SLMAP: variants seen among roughly 807,000 people sequenced by gnomAD.
SLMAP encodes the protein sarcolemmal membrane-associated protein.
In SLMAP, 44 loss-of-function variants were observed where a neutral mutation model predicts 128.8. The observed-to-expected ratio is 0.34, with a 90% CI of 0.27 to 0.44. The LOEUF is 0.44. SLMAP is among the 20% of genes least tolerant of loss of function. The probability of loss-of-function intolerance (pLI) is 1.00; values close to 1 mark genes in which losing one functional copy is unlikely to be tolerated. For synonymous variants in SLMAP, 327 were observed against 348.8 expected, an observed-to-expected ratio of 0.94 and a Z score of 0.70; for missense variants, 787 against 985.3, an observed-to-expected ratio of 0.80 and a Z score of 2.69.
chr3:57,773,300 C>A (rs2081239254), intron 2 of SLMAP, among the ~76,000 whole-genome samples: 1 of 152,192 alleles, frequency 6.6e-6, no homozygotes, highest in Non-Finnish European at 1.5e-5. Context: ...AGTAAGTCCT[C>A]AACATCAGTG....
intron 2 of SLMAP, among the ~76,000 whole-genome samples, chr3:57,787,282 T>C (rs765449980): frequency 2.6e-5 from 4 of 152,076 alleles, no homozygotes; most frequent in Non-Finnish European, 5.9e-5. Flanking sequence ...AGTTATGAGG[T>C]TCAATAATAA....
At chr3:57,882,276 T>C (rs1194629608) in intron 14 of SLMAP, among the ~76,000 whole-genome samples, 29 of 152,182 alleles carry the variant, frequency 1.9e-4, no homozygotes, top group Non-Finnish European at 1.5e-5. Context: ...TCATGGAGTT[T>C]ACAAGCTCTT....
intron 2 of SLMAP, among the ~76,000 whole-genome samples, chr3:57,786,674 A>G (rs565935014): frequency 1.9e-4 from 28 of 148,914 alleles, no homozygotes; most frequent in African/African-American, 6.7e-4. Context: ...CTTCTGCCTC[A>G]GTCTCCTGAG....
intron 2 of SLMAP, among the ~76,000 whole-genome samples, chr3:57,776,506 T>TTCTCTCTC (rs397932536): frequency 3.3e-4 from 42 of 129,036 alleles, no homozygotes; most frequent in East Asian, 2.1e-3. Context: ...GATTTGTCCC[T>TTCTCTCTC]TCTCTCTCTC....
intron 2 of SLMAP, among the ~76,000 whole-genome samples, chr3:57,793,744 C>T (rs1009102321): frequency 5.3e-5 from 8 of 152,018 alleles, no homozygotes; most frequent in Admixed American, 2.0e-4. Flanking sequence ...TAACCTTGTT[C>T]TTTTCTGATG....
intron 2 of SLMAP, among the ~76,000 whole-genome samples, chr3:57,808,049 A>G (rs937839425): frequency 6.6e-6 from 1 of 152,024 alleles, no homozygotes; most frequent in Admixed American, 6.6e-5. Flanking sequence ...TTTTCTAGAT[A>G]TTTGTATAGA....
chr3:57,925,958 T>C, intron 24 of SLMAP, 24 bp downstream of exon 24: 1 of 1,483,486 alleles, frequency 6.7e-7, no homozygotes, highest in Non-Finnish European at 9.2e-7. Context: ...TGTTGAGTCC[T>C]TGTCTGTTTG....
intron 2 of SLMAP, among the ~76,000 whole-genome samples, chr3:57,793,430 T>G (rs1181613760): frequency 6.6e-6 from 1 of 152,208 alleles, no homozygotes; most frequent in African/African-American, 2.4e-5. Context: ...TGTGCTGAGC[T>G]CAATTCTATA....
chr3:57,784,105 G>A lies in SLMAP; in HGVS notation c.198+26256G>A, dbSNP rs551870593. On this transcript the variant is annotated intron_variant, in intron 2 of 24. Transcript: ENST00000671191. ...ATAGGCGGGGGGCCCAGACAGAGAT[G>A]TGTAGGAGAGGCAGAGCCACTACTG... Among the ~76,000 whole-genome samples the A allele has an allele frequency of 1.5e-4, 23 of 152,336 alleles. No individual in the cohort carries two copies. The South Asian group carries it at 4.6e-3, about 30-fold the overall frequency.
chr3:57,861,824 C>G (rs1313900664), intron 9 of SLMAP, 125 bp from the exon 10 acceptor site: 7 of 747,540 alleles, frequency 9.4e-6, no homozygotes, highest in Non-Finnish European at 1.5e-5. Flanking sequence ...TATTTAAAGT[C>G]CAGGGCAGAT....
chr3:57,889,215 A>C (rs1382753545), intron 14 of SLMAP, among the ~76,000 whole-genome samples: 2 of 152,242 alleles, frequency 1.3e-5, no homozygotes, highest in African/African-American at 4.8e-5. Context: ...TCAGAGACAA[A>C]GTGCCACATA....
At chr3:57,925,273 T>A (rs1576508525) in intron 23 of SLMAP, among the ~76,000 whole-genome samples, 1 of 151,370 alleles carries the variant, frequency 6.6e-6, no homozygotes, top group East Asian at 2.0e-4. Context: ...CTTCATGTGC[T>A]ATATTTCATT....
intron 14 of SLMAP, among the ~76,000 whole-genome samples, chr3:57,881,541 T>G (rs2095744032): frequency 6.6e-6 from 1 of 152,152 alleles, no homozygotes; most frequent in Non-Finnish European, 1.5e-5. Context: ...CACTGCAACC[T>G]CCACCTCCTG....
intron 13 of SLMAP, among the ~76,000 whole-genome samples, chr3:57,867,184 A>G: frequency 6.6e-6 from 1 of 152,192 alleles, no homozygotes. Flanking sequence ...TGTCTCAAAA[A>G]ACAAAACAAA....
intron 10 of SLMAP, among the ~76,000 whole-genome samples, chr3:57,863,084 G>A (rs1052424385): frequency 6.6e-6 from 1 of 152,112 alleles, no homozygotes; most frequent in Non-Finnish European, 1.5e-5. Flanking sequence ...TAAAAGGCAG[G>A]GCCCAGCTAT....
chr3:57,902,452 T>A (rs2096410108), intron 17 of SLMAP, among the ~76,000 whole-genome samples: 1 of 152,234 alleles, frequency 6.6e-6, no homozygotes, highest in African/African-American at 2.4e-5. Context: ...ATTATAACAA[T>A]TCAGTGGCTT....
intron 14 of SLMAP, among the ~76,000 whole-genome samples, chr3:57,883,131 T>C (rs2095791310): frequency 6.6e-6 from 1 of 152,204 alleles, no homozygotes; most frequent in South Asian, 2.1e-4. Flanking sequence ...TCATAGTAAG[T>C]TGGGCAAGGT....
chr3:57,875,406 T>A (rs1322409226), intron 14 of SLMAP, among the ~76,000 whole-genome samples: 1 of 152,156 alleles, frequency 6.6e-6, no homozygotes, highest in African/African-American at 2.4e-5. Context: ...TCCCAGCTAC[T>A]CAGGAGTCTG....
chr3:57,858,297 G>GTAAA, intron 8 of SLMAP, 138 bp downstream of exon 8: 1 of 614,122 alleles, frequency 1.6e-6, no homozygotes, highest in South Asian at 2.2e-5. Flanking sequence ...GCTGAGAAAC[G>GTAAA]TCAGACATCC....
Sources: gnomAD v4.1 joint callset for allele counts (sites outside exome capture counted in the v4.1 genomes callset) on GRCh38, gnomAD v4.1.1 for gene constraint, MANE v1.5 for transcripts, NCBI Gene and HGNC (gene_info 2026-07-23, HGNC 2026-07-21) for gene names.